Variants in DSCAM observed in about 807,000 individuals in gnomAD.
DSCAM encodes cell adhesion molecule DSCAM.
In DSCAM, 47 loss-of-function variants were observed where a neutral mutation model predicts 217.7. The observed-to-expected ratio is 0.22, with a 90% CI of 0.17 to 0.28. The LOEUF is 0.28. Among genes scored for constraint, DSCAM ranks in the 10% least tolerant of loss-of-function variants. The probability of loss-of-function intolerance (pLI) is 1.00; values close to 1 mark genes in which losing one functional copy is unlikely to be tolerated. For missense variants in DSCAM, 2,080 were observed against 2,618.3 expected, an observed-to-expected ratio of 0.79 and a Z score of 4.49; for synonymous variants, 1,056 against 1,015.3, an observed-to-expected ratio of 1.04 and a Z score of -0.76.
intron 11 of DSCAM, among the ~76,000 whole-genome samples, chr21:40,270,083 G>A (rs2073595674): frequency 6.6e-6 from 1 of 152,128 alleles, no homozygotes; most frequent in Admixed American, 6.5e-5. Flanking sequence ...GGAACTTCAG[G>A]CTGACTTAGG....
intron 3 of DSCAM, among the ~76,000 whole-genome samples, chr21:40,525,720 A>G (rs1199283923): frequency 1.3e-5 from 2 of 152,222 alleles, no homozygotes; most frequent in Admixed American, 6.5e-5. Context: ...AAGAACAAGG[A>G]CTTTAAAATT....
intron 20 of DSCAM, among the ~76,000 whole-genome samples, chr21:40,104,193 C>CG (rs1191929744): frequency 6.6e-6 from 1 of 152,058 alleles, no homozygotes; most frequent in Non-Finnish European, 1.5e-5. Flanking sequence ...GTCAAAGTTA[C>CG]ATTATTAATT....
intron 3 of DSCAM, among the ~76,000 whole-genome samples, chr21:40,404,836 T>C (rs1010428146): frequency 6.6e-6 from 1 of 152,204 alleles, no homozygotes; most frequent in Non-Finnish European, 1.5e-5. Flanking sequence ...TTCATTTCCA[T>C]TTTGATTCAA....
intron 3 of DSCAM, among the ~76,000 whole-genome samples, chr21:40,399,784 A>G (rs528218638): frequency 1.3e-5 from 2 of 152,364 alleles, no homozygotes; most frequent in South Asian, 4.1e-4. Context: ...CCTTAAGTGC[A>G]TTATAAACGT....
chr21:40,648,427 C>A (rs1430595393), intron 3 of DSCAM, among the ~76,000 whole-genome samples: 5 of 152,062 alleles, frequency 3.3e-5, no homozygotes, highest in Non-Finnish European at 5.9e-5. Flanking sequence ...TTGATAGTGG[C>A]AGGAGACAGA....
At chr21:40,592,927 T>C (rs2076994433) in intron 3 of DSCAM, among the ~76,000 whole-genome samples, 1 of 152,338 alleles carries the variant, frequency 6.6e-6, no homozygotes, top group Middle Eastern at 3.4e-3. Flanking sequence ...GCTAATGAAT[T>C]GCAGATATTG....
intron 3 of DSCAM, among the ~76,000 whole-genome samples, chr21:40,425,538 C>CA (rs201399937): frequency 0.016 from 2,374 of 149,786 alleles, 31 homozygotes; most frequent in South Asian, 0.038. Context: ...TTTACCCCCC[C>CA]CTAAAAAAAA....
At chr21:40,064,737 A>T (rs2089181081) in intron 27 of DSCAM, among the ~76,000 whole-genome samples, 1 of 152,188 alleles carries the variant, frequency 6.6e-6, no homozygotes, top group Non-Finnish European at 1.5e-5. Flanking sequence ...TTGAGAAGTA[A>T]AGTCTAGGTC....
chr21:40,630,775 C>G (rs2089681162), intron 3 of DSCAM: 1 of 152,260 alleles, frequency 6.6e-6, no homozygotes, highest in African/African-American at 2.4e-5. Flanking sequence ...AGCCTGGACA[C>G]AAACAAAAAC....
At chr21:40,107,769 A>G (rs1295629355) in intron 20 of DSCAM, among the ~76,000 whole-genome samples, 1 of 152,030 alleles carries the variant, frequency 6.6e-6, no homozygotes, top group Non-Finnish European at 1.5e-5. Flanking sequence ...GGATGATGTA[A>G]ACTTAGGACA....
At chr21:40,070,394 G>GGAAAA (rs140043150) in intron 27 of DSCAM, among the ~76,000 whole-genome samples, 31 of 144,198 alleles carry the variant, frequency 2.1e-4, no homozygotes, top group Non-Finnish European at 2.1e-4. Flanking sequence ...AAGGAAGGAA[G>GGAAAA]GAAAAGAAAA....
intron 10 of DSCAM, among the ~76,000 whole-genome samples, chr21:40,294,333 A>G (rs892486958): frequency 6.6e-6 from 1 of 152,238 alleles, no homozygotes; most frequent in Non-Finnish European, 1.5e-5. Context: ...ATAAGATAAA[A>G]CATGTTAAAC....
At chr21:40,241,508 G>T (rs749173101) in intron 11 of DSCAM, among the ~76,000 whole-genome samples, 129 of 152,184 alleles carry the variant, frequency 8.5e-4, no homozygotes, top group Non-Finnish European at 1.7e-3. Context: ...CGGTAAGGTT[G>T]CAGAGAAAAC....
chr21:40,793,683 G>T (rs972576276), intron 1 of DSCAM, among the ~76,000 whole-genome samples: 2 of 151,996 alleles, frequency 1.3e-5, no homozygotes, highest in South Asian at 4.2e-4. Flanking sequence ...TAGAGACGGG[G>T]TTCCACCATG....
At chr21:40,140,517 A>G (rs953821293) in intron 18 of DSCAM, among the ~76,000 whole-genome samples, 1 of 152,206 alleles carries the variant, frequency 6.6e-6, no homozygotes, top group Admixed American at 6.5e-5. Flanking sequence ...AATATTTCCA[A>G]TAAGAACAGA....
chr21:40,781,116 C>A (rs1470497381), intron 1 of DSCAM, among the ~76,000 whole-genome samples: 1 of 152,080 alleles, frequency 6.6e-6, no homozygotes, highest in Non-Finnish European at 1.5e-5. Flanking sequence ...TCAAGCAATT[C>A]TCCCACCTCA....
chr21:40,078,351 A>T (rs936233715), intron 26 of DSCAM, among the ~76,000 whole-genome samples: 19 of 152,108 alleles, frequency 1.2e-4, no homozygotes. Flanking sequence ...GGGGTGGGAG[A>T]CAACAAAAGC....
intron 3 of DSCAM, among the ~76,000 whole-genome samples, chr21:40,488,143 C>T (rs2076045489): frequency 6.6e-6 from 1 of 152,222 alleles, no homozygotes; most frequent in Admixed American, 6.5e-5. Flanking sequence ...TGCACCCATT[C>T]TCAATGAACT....
intron 3 of DSCAM, chr21:40,513,272 A>T (rs1441932836): frequency 2.0e-5 from 3 of 152,396 alleles, no homozygotes; most frequent in Admixed American, 6.5e-5. Flanking sequence ...ATGAATGAAG[A>T]GACATGGAGA....
Sources: allele counts gnomAD v4.1 joint callset (sites outside exome capture counted in the v4.1 genomes callset), GRCh38; gene constraint gnomAD v4.1.1; transcripts MANE v1.5; gene names NCBI Gene and HGNC (gene_info 2026-07-23, HGNC 2026-07-21).